Variants in USP43 observed in about 807,000 individuals in gnomAD.
USP43 encodes ubiquitin carboxyl-terminal hydrolase 43.
Under a neutral mutation model 90.7 loss-of-function variants are expected in USP43, and 33 were observed. The ratio of observed to expected loss-of-function variants is 0.36; its 90% CI spans 0.28 to 0.49. USP43 has a LOEUF of 0.49. Among genes scored for constraint, USP43 ranks in the 20% least tolerant of loss-of-function variants. USP43 has a pLI of 0.98. For synonymous variants in USP43, 598 were observed against 615.8 expected (o/e 0.97, Z 0.43); for missense variants, 1,274 against 1,476.4 (o/e 0.86, Z 2.25).
Position 9,709,938 on chromosome 17 carries a change from G to C in USP43, c.2012-18G>C. ...TTGGGGCTCCAATAACTCAGACTTG[G>C]GGATGGGACCTTTGCAGCCTACTGC... is the stretch of plus-strand genomic sequence containing the variant. On this transcript the variant is annotated intron_variant, in intron 12 of 14. Coordinates refer to ENST00000285199, the MANE Select transcript of USP43 (RefSeq NM_153210.5). This position sits in a 1 kb window ranked among gnomAD's most constrained non-coding sequence, Gnocchi z 5.0. 7.1e-7 allele frequency: 1 copy of C among 1,402,556 alleles called. No homozygotes were observed. Among genetic ancestry groups the C allele is most frequent in the Non-Finnish European group, 9.4e-7 (1 of 1,068,868 alleles). The allele number at this position is 1,402,556 out of a possible 1,614,324, so 86.9% of individuals were successfully genotyped here. A position where few individuals can be genotyped will look rare whatever the true frequency, so the allele number is the denominator to read the frequency against.
Position 9,645,883 on chromosome 17 carries a change from A to G in USP43, c.251A>G (p.Gln84Arg), listed in dbSNP as rs1911354563. The change falls in exon 1 of 15, where the codon CAG becomes CGG. Residue 84 changes from glutamine (Q) to arginine (R), a missense_variant. By Grantham distance (43) the Gln-to-Arg change is conservative. Transcript: ENST00000285199. The surrounding 1 kb of genome is among the most constrained non-coding windows in gnomAD (Gnocchi z 6.8). ...SPGEERPPGP[Q>R]PQLQLPAGDG... Reference sequence around the variant, plus strand: ...GGGGAGGAACGCCCGCCCGGACCCCAGCCCCAGCTCCAGCTCCCCGCCGGC... The same window carrying G: ...GGGGAGGAACGCCCGCCCGGACCCCGGCCCCAGCTCCAGCTCCCCGCCGGC... 1 of 1,449,574 alleles carries G rather than the reference A, an allele frequency of 6.9e-7. No individual in the cohort carries two copies. The highest frequency in any genetic ancestry group is 9.0e-7 in the Non-Finnish European group (1 of 1,106,240). The allele number at this position is 1,449,574 out of a possible 1,614,324, so 89.8% of individuals were successfully genotyped here.
At chr17:9,708,200 G>C (rs1915996671) in intron 12 of USP43, among the ~76,000 whole-genome samples, 2 of 152,216 alleles carry the variant, frequency 1.3e-5, no homozygotes, top group Admixed American at 6.5e-5. Context: ...ATGAAGGGTG[G>C]GGCTGGAGAA....
rs1914257174 is a variant in USP43 at position 9,681,465 on chromosome 17, TATA to T, written c.1105+1100_1105+1102del. Among the ~76,000 whole-genome samples, 123 of 73,004 alleles carry T rather than the reference TATA, an allele frequency of 1.7e-3. 4 individuals carry two copies. Among genetic ancestry groups the T allele is most frequent in the African/African-American group, 3.8e-3 (97 of 25,400 alleles). 47.9% of individuals were successfully genotyped at this position (73,004 alleles called of 152,430 possible). On this transcript the variant is annotated intron_variant, in intron 6 of 14. Transcript: ENST00000285199. ...AGATAAATATATATAAAATATATTA[TATA>T]TATATATATATATATATATATATAT...
intron 9 of USP43, among the ~76,000 whole-genome samples, chr17:9,697,666 C>CTTT (rs56661274): frequency 7.3e-6 from 1 of 136,752 alleles, no homozygotes; most frequent in Non-Finnish European, 1.6e-5. Flanking sequence ...AACAGGAATT[C>CTTT]TTTTTTTTTT....
chr17:9,690,229 T>C (rs1914857496), intron 8 of USP43, among the ~76,000 whole-genome samples: 1 of 152,202 alleles, frequency 6.6e-6, no homozygotes, highest in Admixed American at 6.5e-5. Flanking sequence ...ATGATGCTTT[T>C]CTCTTGTTTT....
Position 9,728,288 on chromosome 17 carries a change from G to T in USP43, c.2670G>T (p.Val890=). The T allele has an allele frequency of 1.9e-6, 3 of 1,613,362 alleles. No homozygotes were observed. The highest frequency in any genetic ancestry group is 2.5e-6 in the Non-Finnish European group (3 of 1,179,710). The part of the protein sequence containing the change: ...GRAIERGPAG[V]PCPSAQPNHC... Reference sequence around the variant, plus strand: ...CCATTGAAAGAGGTCCAGCCGGGGTGCCCTGTCCCTCGGCTCAACCCAACC... The same window carrying T: ...CCATTGAAAGAGGTCCAGCCGGGGTTCCCTGTCCCTCGGCTCAACCCAACC... The change falls in exon 15 of 15, where the codon GTG becomes GTT. Residue 890 remains valine, a synonymous_variant. Coordinates refer to ENST00000285199, the MANE Select transcript of USP43 (RefSeq NM_153210.5). This position sits in a 1 kb window ranked among gnomAD's most constrained non-coding sequence, Gnocchi z 6.2.
At position 9,674,762 on chromosome 17, in the gene USP43, ATTC is replaced by A; in HGVS notation, c.741-124_741-122del. The A allele has an allele frequency of 1.3e-6, 1 of 769,552 alleles. No individual in the cohort carries two copies. The highest frequency in any genetic ancestry group is 1.6e-5 in the South Asian group (1 of 62,860). The allele number at this position is 769,552 out of a possible 1,614,324, so 47.7% of individuals were successfully genotyped here. A position where few individuals can be genotyped will look rare whatever the true frequency, so the allele number is the denominator to read the frequency against. On this transcript the variant is annotated intron_variant, in intron 3 of 14. Transcript: ENST00000285199. This position sits in a 1 kb window ranked among gnomAD's most constrained non-coding sequence, Gnocchi z 4.4. ...ACAAGTATTTGAACACCTGTTCTCA[ATTC>A]TTCTGGGTATGTACCTACGAGTGGA...
At chr17:9,653,651 A>C (rs1912033006) in intron 1 of USP43, among the ~76,000 whole-genome samples, 1 of 151,666 alleles carries the variant, frequency 6.6e-6, no homozygotes, top group South Asian at 2.1e-4. Context: ...TGTTTGGGGC[A>C]GCTAGGTGGA....
At chr17:9,665,917 T>C (rs2151967924) in intron 2 of USP43, among the ~76,000 whole-genome samples, 1 of 152,268 alleles carries the variant, frequency 6.6e-6, no homozygotes, top group South Asian at 2.1e-4. Flanking sequence ...GAACAGACTC[T>C]CATCTAGAGC....
At chr17:9,696,495 TC>T (rs1161347206) in intron 9 of USP43, among the ~76,000 whole-genome samples, 1 of 152,124 alleles carries the variant, frequency 6.6e-6, no homozygotes, top group African/African-American at 2.4e-5. Flanking sequence ...GTCTCCTAGA[TC>T]CATATCTCCT....
At chr17:9,672,388 A>G (rs1329463025) in intron 3 of USP43, among the ~76,000 whole-genome samples, 3 of 152,170 alleles carry the variant, frequency 2.0e-5, no homozygotes, top group Non-Finnish European at 4.4e-5. Flanking sequence ...TTGGTGGCTC[A>G]ATGTAAAAGT....
chr17:9,660,342 G>C (rs190779147), intron 2 of USP43, among the ~76,000 whole-genome samples: 1 of 152,154 alleles, frequency 6.6e-6, no homozygotes, highest in Non-Finnish European at 1.5e-5. Context: ...GTAGAGACAG[G>C]GTTTCGCTAT....
At position 9,647,848 on chromosome 17, in the gene USP43, C is replaced by CAA. The variant is rs35223665; in HGVS notation, c.504+1734_504+1735dup. On this transcript the variant is annotated intron_variant, in intron 1 of 14. Transcript: ENST00000285199. ...TGAAACCCCGTCTTTACTAAAAATC[C>CAA]AAAAAAAAAAAAAAAAAAAAAAATT... Among the ~76,000 whole-genome samples the CAA allele has an allele frequency of 6.9e-3, 565 of 82,006 alleles. 19 individuals carry two copies. The highest frequency in any genetic ancestry group is 0.019 in the African/African-American group (415 of 21,756). 53.8% of individuals were successfully genotyped at this position (82,006 alleles called of 152,430 possible).
At chr17:9,707,981 T>A (rs1044815286) in intron 12 of USP43, among the ~76,000 whole-genome samples, 2 of 152,236 alleles carry the variant, frequency 1.3e-5, no homozygotes, top group Non-Finnish European at 2.9e-5. Context: ...ACTGATTGAC[T>A]GTGTCTGTGA....
intron 5 of USP43, among the ~76,000 whole-genome samples, chr17:9,678,710 T>G (rs186112262): frequency 6.6e-6 from 1 of 152,230 alleles, no homozygotes; most frequent in Non-Finnish European, 1.5e-5. Context: ...TTTTCCTATT[T>G]TGTACCGCCC....
At position 9,728,590 on chromosome 17, in the gene USP43, C is replaced by T. The variant is rs748514457; in HGVS notation, c.2972C>T (p.Pro991Leu). 2 of 1,613,938 alleles carry T rather than the reference C, an allele frequency of 1.2e-6. No individual in the cohort carries two copies. The highest frequency in any genetic ancestry group is 1.7e-6 in the Non-Finnish European group (2 of 1,179,874). The change falls in exon 15 of 15, where the codon CCC (proline) becomes CTC (leucine). Residue 991 changes from proline to leucine, a missense_variant. Coordinates refer to ENST00000285199, the MANE Select transcript of USP43 (RefSeq NM_153210.5). The surrounding 1 kb of genome is among the most constrained non-coding windows in gnomAD (Gnocchi z 6.2). ...CGAGGCACCTCTGAGCTAGACAGAC[C>T]CCTGCAGGGGACACTCACCCTTCTG... ...SRRGTSELDR[P>L]LQGTLTLLRS...
At chr17:9,727,477 G>A (rs946580254) in intron 14 of USP43, among the ~76,000 whole-genome samples, 2 of 151,472 alleles carry the variant, frequency 1.3e-5, no homozygotes, top group Non-Finnish European at 2.9e-5. Flanking sequence ...AAGTAATTGT[G>A]GTTTTCACCA....
chr17:9,690,833 C>T (rs1330504986), intron 8 of USP43, among the ~76,000 whole-genome samples: 1 of 151,978 alleles, frequency 6.6e-6, no homozygotes, highest in African/African-American at 2.4e-5. Context: ...TGTAGTGAGC[C>T]GAGATCGCAC....
At chr17:9,714,234 T>C (rs925941666) in intron 14 of USP43, among the ~76,000 whole-genome samples, 3 of 152,156 alleles carry the variant, frequency 2.0e-5, no homozygotes, top group African/African-American at 7.2e-5. Flanking sequence ...TAACAGGCTG[T>C]GGATCAGTAC....
Sources: gnomAD v4.1 joint callset for allele counts (sites outside exome capture counted in the v4.1 genomes callset) on GRCh38, gnomAD v4.1.1 for gene constraint, Gnocchi (gnomAD v3.1) non-coding constraint, MANE v1.5 for transcripts, NCBI Gene and HGNC (gene_info 2026-07-23, HGNC 2026-07-21) for gene names.